CELF2: variants seen among roughly 807,000 people sequenced by gnomAD.
The protein encoded by CELF2 is CUGBP Elav-like family member 2.
In CELF2, 8 loss-of-function variants were observed where a neutral mutation model predicts 62.6. The observed-to-expected ratio is 0.13, with a 90% CI of 0.07 to 0.23. CELF2 has a LOEUF of 0.23. Among genes scored for constraint, CELF2 ranks in the 10% least tolerant of loss-of-function variants. The pLI, the probability that CELF2 is intolerant of heterozygous loss-of-function variation, is 1.00. For synonymous variants in CELF2, 258 were observed against 250.0 expected (o/e 1.03, Z -0.30); for missense variants, 333 against 671.0 (o/e 0.50, Z 5.56).
chr10:10,811,851 G>A (rs908402026), intron 1 of CELF2, among the ~76,000 whole-genome samples: 3 of 152,126 alleles, frequency 2.0e-5, no homozygotes, highest in African/African-American at 7.2e-5. Context: ...GCTCAAGGTG[G>A]AGGCCTAGTT....
intron 1 of CELF2, among the ~76,000 whole-genome samples, chr10:10,847,149 A>T (rs975724097): frequency 1.3e-5 from 2 of 151,816 alleles, no homozygotes; most frequent in African/African-American, 4.8e-5. Flanking sequence ...ATATCTATTT[A>T]TATTAGGTAT....
intron 1 of CELF2, among the ~76,000 whole-genome samples, chr10:11,101,322 T>C (rs1008648322): frequency 2.6e-5 from 4 of 152,194 alleles, no homozygotes; most frequent in African/African-American, 9.7e-5. Context: ...CAGATCGGTA[T>C]GTCATAAGAA....
intron 1 of CELF2, among the ~76,000 whole-genome samples, chr10:11,129,016 G>A (rs928306770): frequency 2.0e-5 from 3 of 152,144 alleles, no homozygotes; most frequent in Non-Finnish European, 4.4e-5. Context: ...CTGTGGGTTT[G>A]TCATAAATAG....
chr10:10,545,181 A>G, the CELF2 span, among the ~76,000 whole-genome samples: 2 of 152,206 alleles, frequency 1.3e-5, no homozygotes, highest in Non-Finnish European at 2.9e-5. Context: ...TAACGTAAAG[A>G]TGCCCATTTT....
In CELF2 at chr10:10,828,010, A is replaced by AAAG. The variant is rs1339641868; in HGVS notation, c.53+29195_53+29196insGAA. On this transcript the variant is annotated intron_variant, in intron 1 of 13. Coordinates refer to the CELF2 transcript ENST00000636488. ...CAGGAAGGCTAGTCTTAAAAAAAAAAAAAAAAAAAAAAAAGCAGAAAATAA... is the reference window on the plus strand; with the variant it reads ...CAGGAAGGCTAGTCTTAAAAAAAAAAAAGAAAAAAAAAAAAAAGCAGAAAATAA... Among the ~76,000 whole-genome samples, 18 of 149,980 alleles carry AAAG rather than the reference A, an allele frequency of 1.2e-4. No individual in the cohort carries two copies. The East Asian group carries it at 2.9e-3, about 24-fold the overall frequency.
At chr10:10,918,808 G>A (rs2134624496) in intron 1 of CELF2, among the ~76,000 whole-genome samples, 1 of 152,288 alleles carries the variant, frequency 6.6e-6, no homozygotes, top group South Asian at 2.1e-4. Context: ...GATTCTTAAA[G>A]GGGTTATATG....
the CELF2 span, among the ~76,000 whole-genome samples, chr10:10,661,289 C>G: frequency 6.6e-6 from 1 of 152,142 alleles, no homozygotes; most frequent in African/African-American, 2.4e-5. Flanking sequence ...TGCATCTGGT[C>G]TCTCTCAGCA....
intron 1 of CELF2, among the ~76,000 whole-genome samples, chr10:11,056,629 AGAAT>A (rs2065301031): frequency 6.6e-6 from 1 of 152,266 alleles, no homozygotes; most frequent in African/African-American, 2.4e-5. Flanking sequence ...TTTTAAGAGT[AGAAT>A]GAAATGTTTA....
chr10:11,104,983 C>A (rs1346127726), intron 1 of CELF2, among the ~76,000 whole-genome samples: 1 of 152,172 alleles, frequency 6.6e-6, no homozygotes, highest in Non-Finnish European at 1.5e-5. Flanking sequence ...GAAGCTGGTC[C>A]ACTGTCACAG....
At position 11,314,385 on chromosome 10, in the gene CELF2, A is replaced by C; in HGVS notation, c.1096+127A>C. The C allele has an allele frequency of 7.9e-7, 1 of 1,269,022 alleles. No individual in the cohort carries two copies. The highest frequency in any genetic ancestry group is 1.1e-6 in the Non-Finnish European group (1 of 879,350). The allele number at this position is 1,269,022 out of a possible 1,614,324, so 78.6% of individuals were successfully genotyped here. A position where few individuals can be genotyped will look rare whatever the true frequency, so the allele number is the denominator to read the frequency against. On this transcript the variant is annotated intron_variant, in intron 10 of 12. Coordinates refer to ENST00000633077, the MANE Select transcript of CELF2 (RefSeq NM_001326342.2). This position sits in a 1 kb window ranked among gnomAD's most constrained non-coding sequence, Gnocchi z 5.3. ...CGGGGAGAACTAAAACTTGGGATGG[A>C]GGAGCACATGCTTTGATAGGCAAAA...
the CELF2 span, among the ~76,000 whole-genome samples, chr10:10,730,432 G>A: frequency 6.6e-6 from 1 of 152,058 alleles, no homozygotes; most frequent in African/African-American, 2.4e-5. Context: ...AGCCAAGATC[G>A]TGCCACTGCA....
the CELF2 span, among the ~76,000 whole-genome samples, chr10:10,728,804 TTC>T: frequency 6.6e-6 from 1 of 151,818 alleles, no homozygotes. Context: ...GTAGATTTCT[TTC>T]TCTCTCTCTC....
Position 11,053,807 on chromosome 10 carries a change from G to A in CELF2, c.74+35644G>A, listed in dbSNP as rs1312030234. 5.3e-5 allele frequency among the ~76,000 whole-genome samples: 8 copies of A among 151,618 alleles called. No homozygotes were observed. The East Asian group carries it at 1.2e-3, about 22-fold the overall frequency. On this transcript the variant is annotated intron_variant, in intron 1 of 12. Transcript: ENST00000633077. The stretch of plus-strand genomic sequence containing the variant: ...TTTTTTGTATTTTTAGTAGAGATGG[G>A]GTTTCACCATGTTAGCCAGGACGGT...
intron 1 of CELF2, among the ~76,000 whole-genome samples, chr10:11,059,741 T>G (rs536332926): frequency 6.6e-6 from 1 of 152,250 alleles, no homozygotes; most frequent in African/African-American, 2.4e-5. Flanking sequence ...CCTCAGGCAC[T>G]GGAAGAGTGA....
chr10:10,954,211 TTTATTATTATTATTATTATTATTA>T lies in CELF2; in HGVS notation c.89+34239_89+34262del, dbSNP rs148582483. 6.3e-4 allele frequency among the ~76,000 whole-genome samples: 86 copies of T among 137,292 alleles called. 1 individual carries two copies. The South Asian group carries it at 7.1e-3, about 11-fold the overall frequency. The allele number at this position is 137,292 out of a possible 152,430, so 90.1% of individuals were successfully genotyped here. A position where few individuals can be genotyped will look rare whatever the true frequency, so the allele number is the denominator to read the frequency against. On this transcript the variant is annotated intron_variant, in intron 2 of 13. Transcript: ENST00000636488. ...CTATAGAGGGCAATTTGGCAATTTA[TTTATTATTATTATTATTATTATTA>T]TTATTATTATTATTATTATTATTAT... is the stretch of plus-strand genomic sequence containing the variant.
intron 1 of CELF2, among the ~76,000 whole-genome samples, chr10:11,018,510 G>C (rs946074567): frequency 6.0e-5 from 9 of 151,024 alleles, no homozygotes; most frequent in African/African-American, 2.2e-4. Flanking sequence ...ACCGACCGGC[G>C]CGAGGACCCG....
chr10:10,698,495 C>T, the CELF2 span, among the ~76,000 whole-genome samples: 7 of 152,202 alleles, frequency 4.6e-5, no homozygotes, highest in African/African-American at 1.7e-4. Flanking sequence ...CTTTGCTTTT[C>T]CTAATTTCAT....
the CELF2 span, among the ~76,000 whole-genome samples, chr10:10,674,584 T>C: frequency 2.6e-5 from 4 of 152,230 alleles, no homozygotes; most frequent in Non-Finnish European, 5.9e-5. Context: ...GTTGCTATTG[T>C]TCTTTGTTCC....
chr10:10,775,145 G>A, the CELF2 span, among the ~76,000 whole-genome samples: 8 of 152,232 alleles, frequency 5.3e-5, no homozygotes, highest in African/African-American at 9.6e-5. Flanking sequence ...CCAAAGTACC[G>A]GGATTACAGG....
Sources: gnomAD v4.1 joint callset for allele counts (sites outside exome capture counted in the v4.1 genomes callset) on GRCh38, gnomAD v4.1.1 for gene constraint, Gnocchi (gnomAD v3.1) non-coding constraint, MANE v1.5 for transcripts, NCBI Gene and HGNC (gene_info 2026-07-23, HGNC 2026-07-21) for gene names.